Variants in ZFHX3 observed in about 807,000 individuals in gnomAD.
The protein encoded by ZFHX3 is zinc finger homeobox 3.
ZFHX3 carries 42 observed loss-of-function variants against 279.1 expected under a neutral mutation model. The observed-to-expected ratio is 0.15, with a 90% CI of 0.12 to 0.19. The LOEUF is 0.19. ZFHX3 is among the 10% of genes least tolerant of loss of function. The pLI, the probability that ZFHX3 is intolerant of heterozygous loss-of-function variation, is 1.00. For missense variants in ZFHX3, 4,981 were observed against 4,754.0 expected (o/e 1.05, Z -1.40); for synonymous variants, 2,293 against 1,957.8 (o/e 1.17, Z -4.52).
chr16:73,819,665 G>A (rs1036445532), intron 1 of ZFHX3, among the ~76,000 whole-genome samples: 1 of 152,122 alleles, frequency 6.6e-6, no homozygotes, highest in Non-Finnish European at 1.5e-5. Context: ...CAACAGGAGA[G>A]GGAAGAGAAA....
chr16:73,847,194 A>G (rs1177716005), intron 1 of ZFHX3, among the ~76,000 whole-genome samples: 1 of 152,140 alleles, frequency 6.6e-6, no homozygotes, highest in Admixed American at 6.6e-5. Context: ...GCAGCTACTC[A>G]GGAGGCTGAG....
At chr16:73,194,838 G>T (rs1175989434) in intron 5 of ZFHX3, among the ~76,000 whole-genome samples, 1 of 152,166 alleles carries the variant, frequency 6.6e-6, no homozygotes, top group Non-Finnish European at 1.5e-5. Context: ...TGGAGAAATG[G>T]AAGGTCAAAG....
chr16:73,260,837 C>A (rs1447388321), intron 4 of ZFHX3, among the ~76,000 whole-genome samples: 1 of 152,016 alleles, frequency 6.6e-6, no homozygotes, highest in African/African-American at 2.4e-5. Flanking sequence ...CGCCCACCAC[C>A]ATACCCGGCT....
At chr16:73,261,810 G>C (rs545600916) in intron 4 of ZFHX3, among the ~76,000 whole-genome samples, 1 of 151,762 alleles carries the variant, frequency 6.6e-6, no homozygotes, top group African/African-American at 2.4e-5. Flanking sequence ...TGAGTAGCTG[G>C]GATTACAGGG....
chr16:73,112,880 G>A (rs1370317349), intron 7 of ZFHX3, among the ~76,000 whole-genome samples: 2 of 152,066 alleles, frequency 1.3e-5, no homozygotes, highest in African/African-American at 2.4e-5. Context: ...GGCTGACCAG[G>A]TGAGCGGCTG....
chr16:73,711,716 A>G (rs2053365006), intron 1 of ZFHX3, among the ~76,000 whole-genome samples: 2 of 152,244 alleles, frequency 1.3e-5, no homozygotes, highest in Non-Finnish European at 1.5e-5. Context: ...GAAAGAAACA[A>G]TAATTATTTT....
At chr16:73,414,088 T>C (rs1328620065) in intron 3 of ZFHX3, among the ~76,000 whole-genome samples, 1 of 152,270 alleles carries the variant, frequency 6.6e-6, no homozygotes, top group Non-Finnish European at 1.5e-5. Context: ...CAGGACTCTT[T>C]TACTGAATAA....
intron 4 of ZFHX3, among the ~76,000 whole-genome samples, chr16:72,841,849 C>G (rs1193418183): frequency 6.6e-6 from 1 of 152,190 alleles, no homozygotes; most frequent in Non-Finnish European, 1.5e-5. Context: ...GTCATCAAGA[C>G]AAACACTTGA....
At chr16:73,124,979 C>T (rs887930072) in intron 7 of ZFHX3, among the ~76,000 whole-genome samples, 12 of 152,114 alleles carry the variant, frequency 7.9e-5, no homozygotes, top group Non-Finnish European at 1.5e-4. Flanking sequence ...AACTGGAAGC[C>T]ACTGGGCTTC....
intron 3 of ZFHX3, among the ~76,000 whole-genome samples, chr16:73,340,915 T>A (rs2016019507): frequency 6.6e-6 from 1 of 152,224 alleles, no homozygotes; most frequent in East Asian, 1.9e-4. Context: ...TAAATTTGAT[T>A]ATATAACATT....
intron 3 of ZFHX3, among the ~76,000 whole-genome samples, chr16:73,425,896 A>C (rs2017801529): frequency 6.6e-6 from 1 of 152,032 alleles, no homozygotes. Context: ...GTGTTCAATA[A>C]ATGAGAAACC....
At chr16:73,683,004 AAAGAAAG>A (rs1320483718) in intron 1 of ZFHX3, among the ~76,000 whole-genome samples, 2 of 86,522 alleles carry the variant, frequency 2.3e-5, no homozygotes, top group Non-Finnish European at 2.8e-5. Context: ...AGAAAGAAAG[AAAGAAAG>A]AGAAAGGAGG....
At chr16:73,415,147 T>C (rs13335333) in intron 3 of ZFHX3, among the ~76,000 whole-genome samples, 2,682 of 152,290 alleles carry the variant, frequency 0.018, 84 homozygotes, top group African/African-American at 0.061. Flanking sequence ...TTTAAAATAA[T>C]GACCGATGTT....
chr16:73,544,905 A>G (rs1397910398), intron 2 of ZFHX3, among the ~76,000 whole-genome samples: 2 of 152,146 alleles, frequency 1.3e-5, no homozygotes, highest in African/African-American at 4.8e-5. Flanking sequence ...AAAAGATACT[A>G]AAGTGCTAGT....
At chr16:72,822,292 C>T (rs1427996421) in intron 5 of ZFHX3, among the ~76,000 whole-genome samples, 1 of 152,190 alleles carries the variant, frequency 6.6e-6, no homozygotes, top group Non-Finnish European at 1.5e-5. Context: ...TTTAAGTTCT[C>T]CTCCTCCAAC....
intron 1 of ZFHX3, among the ~76,000 whole-genome samples, chr16:72,998,331 G>T (rs185652962): frequency 4.3e-4 from 65 of 152,102 alleles, no homozygotes; most frequent in African/African-American, 1.4e-3. Context: ...AATCCAGGAG[G>T]CAGAGTTTGT....
At chr16:73,711,626 A>T (rs773479231) in intron 1 of ZFHX3, among the ~76,000 whole-genome samples, 2 of 152,122 alleles carry the variant, frequency 1.3e-5, no homozygotes, top group African/African-American at 2.4e-5. Context: ...AGAAAATCAC[A>T]CTGCACCTCT....
intron 5 of ZFHX3, among the ~76,000 whole-genome samples, chr16:73,192,271 C>T (rs1289242741): frequency 6.6e-6 from 1 of 152,132 alleles, no homozygotes; most frequent in African/African-American, 2.4e-5. Context: ...GGATGCTTCT[C>T]TTAGGACCTT....
chr16:73,765,896 G>C (rs9673757), intron 1 of ZFHX3, among the ~76,000 whole-genome samples: 2 of 152,180 alleles, frequency 1.3e-5, no homozygotes, highest in African/African-American at 4.8e-5. Context: ...GGAGGCTTAC[G>C]TGAGACTGGC....
Sources: gnomAD v4.1 joint callset for allele counts (sites outside exome capture counted in the v4.1 genomes callset) on GRCh38, gnomAD v4.1.1 for gene constraint, MANE v1.5 for transcripts, NCBI Gene and HGNC (gene_info 2026-07-23, HGNC 2026-07-21) for gene names.